The following CHST9 variants were observed in gnomAD, a reference collection of about 807,000 sequenced individuals.
CHST9 encodes GalNAc-4-sulfotransferase 2.
CHST9 carries 41 observed loss-of-function variants against 44.4 expected under a neutral mutation model. The observed-to-expected ratio is 0.92, with a 90% CI of 0.72 to 1.20. The LOEUF is 1.20. Ranked by LOEUF, CHST9 falls within the 50% of genes most tolerant of loss-of-function variation. The probability of loss-of-function intolerance (pLI) is 0.00; values close to 1 mark genes in which losing one functional copy is unlikely to be tolerated. For missense variants in CHST9, 504 were observed against 516.5 expected, an observed-to-expected ratio of 0.98 and a Z score of 0.23; for synonymous variants, 171 against 178.4, an observed-to-expected ratio of 0.96 and a Z score of 0.33.
chr18:27,059,401 TC>T (rs1350952755), intron 2 of CHST9, among the ~76,000 whole-genome samples: 1 of 152,232 alleles, frequency 6.6e-6, no homozygotes, highest in Non-Finnish European at 1.5e-5. Flanking sequence ...AGTCTTATTT[TC>T]CCTGGGTAGA....
chr18:27,143,729 C>A (rs1002734432), intron 1 of CHST9, among the ~76,000 whole-genome samples: 27 of 152,074 alleles, frequency 1.8e-4, no homozygotes, highest in Non-Finnish European at 1.2e-4. Context: ...CATTAAGAAT[C>A]CCTGTTCCCC....
At chr18:27,019,138 A>G (rs2057189984) in intron 4 of CHST9, among the ~76,000 whole-genome samples, 1 of 152,188 alleles carries the variant, frequency 6.6e-6, no homozygotes, top group Admixed American at 6.5e-5. Flanking sequence ...AAATGAGGGC[A>G]AAGACACTGA....
chr18:27,139,599 A>C (rs1214698866), intron 2 of CHST9, among the ~76,000 whole-genome samples: 1 of 152,062 alleles, frequency 6.6e-6, no homozygotes. Context: ...TTCAGATGGA[A>C]GTCTTCTTAA....
At chr18:27,132,763 T>C (rs899712344) in intron 2 of CHST9, among the ~76,000 whole-genome samples, 1 of 152,138 alleles carries the variant, frequency 6.6e-6, no homozygotes, top group Non-Finnish European at 1.5e-5. Flanking sequence ...TCACCGTGGG[T>C]AGGAAAGAAG....
At chr18:26,978,053 T>A (rs1013987286) in intron 4 of CHST9, among the ~76,000 whole-genome samples, 3 of 152,146 alleles carry the variant, frequency 2.0e-5, no homozygotes, top group Non-Finnish European at 4.4e-5. Context: ...AAGACATGCT[T>A]TGATGATTCT....
chr18:27,118,412 A>ATTT (rs1555625431), intron 2 of CHST9, among the ~76,000 whole-genome samples: 1 of 151,728 alleles, frequency 6.6e-6, no homozygotes, highest in Admixed American at 6.6e-5. Context: ...CTTATCAATT[A>ATTT]CTTCTCCCTA....
At chr18:27,017,039 T>C (rs2057163495) in intron 4 of CHST9, among the ~76,000 whole-genome samples, 1 of 152,202 alleles carries the variant, frequency 6.6e-6, no homozygotes, top group Admixed American at 6.5e-5. Context: ...GTCATTATCA[T>C]ACATGGGACA....
intron 1 of CHST9, among the ~76,000 whole-genome samples, chr18:27,166,607 T>C (rs556579735): frequency 1.1e-4 from 16 of 152,332 alleles, no homozygotes; most frequent in Non-Finnish European, 2.2e-4. Flanking sequence ...AAAAAGACTC[T>C]TGGGTAGATG....
chr18:27,140,505 A>G (rs991852568), intron 2 of CHST9, among the ~76,000 whole-genome samples: 1 of 152,246 alleles, frequency 6.6e-6, no homozygotes, highest in Non-Finnish European at 1.5e-5. Flanking sequence ...AAAGTAGTCT[A>G]TACATATGAA....
intron 3 of CHST9, among the ~76,000 whole-genome samples, chr18:27,046,339 T>C (rs1194021465): frequency 6.6e-6 from 1 of 152,052 alleles, no homozygotes; most frequent in Non-Finnish European, 1.5e-5. Flanking sequence ...CCAGTTTTAA[T>C]AGGAATATTC....
Position 26,951,226 on chromosome 18 carries a change from T to C in CHST9, c.203-6860A>G, listed in dbSNP as rs189291182. On this transcript the variant is annotated intron_variant, in intron 4 of 5. Coordinates refer to ENST00000618847, the MANE Select transcript of CHST9 (RefSeq NM_031422.6). ...ATCAACATGGGTGGGGAAGGACCTA[T>C]TTCTCTAAGATTTATAATTCCAGGA... is the stretch of plus-strand genomic sequence containing the variant. Among the ~76,000 whole-genome samples the C allele has an allele frequency of 1.6e-3, 241 of 152,324 alleles. 1 individual carries two copies. The highest frequency in any genetic ancestry group is 2.8e-3 in the Non-Finnish European group (190 of 68,036).
intron 5 of CHST9, among the ~76,000 whole-genome samples, chr18:26,940,545 T>C (rs1177366551): frequency 6.6e-6 from 1 of 152,122 alleles, no homozygotes; most frequent in Admixed American, 6.5e-5. Context: ...AGAAAGGTGG[T>C]GAGGCTAACA....
chr18:26,941,585 A>G (rs1425280658), intron 5 of CHST9, among the ~76,000 whole-genome samples: 1 of 152,008 alleles, frequency 6.6e-6, no homozygotes, highest in Non-Finnish European at 1.5e-5. Context: ...TCTACAAGTA[A>G]CATTTTTCAG....
At chr18:27,046,492 G>GTA (rs1336963110) in intron 3 of CHST9, among the ~76,000 whole-genome samples, 1 of 151,960 alleles carries the variant, frequency 6.6e-6, no homozygotes, top group Non-Finnish European at 1.5e-5. Flanking sequence ...AGGGTGCAGG[G>GTA]TATATAGTAA....
chr18:27,155,857 T>TA, intron 1 of CHST9, among the ~76,000 whole-genome samples: 2 of 152,108 alleles, frequency 1.3e-5, no homozygotes, highest in South Asian at 4.2e-4. Flanking sequence ...ATCAGCACCA[T>TA]AAAAATGGTG....
At chr18:27,024,187 A>G in intron 3 of CHST9, 30 bp from the exon 4 acceptor site, 1 of 1,592,192 alleles carries the variant, frequency 6.3e-7, no homozygotes, top group Non-Finnish European at 8.6e-7. Flanking sequence ...AAATTCATAT[A>G]TTACCATCAC....
chr18:27,020,633 T>C (rs949767299), intron 4 of CHST9, among the ~76,000 whole-genome samples: 5 of 152,224 alleles, frequency 3.3e-5, no homozygotes, highest in Non-Finnish European at 7.3e-5. Context: ...ATTTAATGAA[T>C]AGCCATTGAC....
intron 2 of CHST9, among the ~76,000 whole-genome samples, chr18:27,086,833 C>G (rs1335916873): frequency 6.6e-6 from 1 of 151,912 alleles, no homozygotes; most frequent in Non-Finnish European, 1.5e-5. Context: ...AGATTCTAAC[C>G]TGTTTCTTCA....
chr18:27,106,690 A>G (rs12958264), intron 2 of CHST9, among the ~76,000 whole-genome samples: 47,700 of 152,120 alleles, frequency 0.31, 8,163 homozygotes, highest in Non-Finnish European at 0.39. Flanking sequence ...AGCATTGCTT[A>G]TTTGTATAAC....
Sources: allele counts gnomAD v4.1 joint callset (sites outside exome capture counted in the v4.1 genomes callset), GRCh38; gene constraint gnomAD v4.1.1; transcripts MANE v1.5; gene names NCBI Gene and HGNC (gene_info 2026-07-23, HGNC 2026-07-21).